The following CUX2 variants were observed in gnomAD, a reference collection of about 807,000 sequenced individuals.
CUX2 encodes cut like homeobox 2, also known as homeobox protein cut-like 2.
A neutral mutation model predicts 144.8 loss-of-function variants in CUX2; 40 were observed. The observed-to-expected ratio is 0.28, with a 90% CI of 0.21 to 0.36. CUX2 has a LOEUF of 0.36. Among genes scored for constraint, CUX2 ranks in the 10% least tolerant of loss-of-function variants. The pLI, the probability that CUX2 is intolerant of heterozygous loss-of-function variation, is 1.00. For missense variants in CUX2, 1,615 were observed against 1,994.0 expected (o/e 0.81, Z 3.62); for synonymous variants, 827 against 875.6 (o/e 0.94, Z 0.98).
intron 1 of CUX2, among the ~76,000 whole-genome samples, chr12:111,053,492 A>G (rs929031392): frequency 5.3e-5 from 8 of 152,308 alleles, no homozygotes; most frequent in Non-Finnish European, 1.0e-4. Context: ...TATTCTATGA[A>G]TCTGCCACGT....
rs541038914 is a variant in CUX2, at chr12:111,293,627, C to A, written c.560+58C>A. On this transcript the variant is annotated intron_variant, in intron 6 of 21. Coordinates refer to ENST00000261726, the MANE Select transcript of CUX2 (RefSeq NM_015267.4). This position sits in a 1 kb window ranked among gnomAD's most constrained non-coding sequence, Gnocchi z 4.5. ...GGAATGGGCAGGGCTCCTGCTGCCC[C>A]ACCTGGCTGGGTCGTGGACGGGGAA... The A allele has an allele frequency of 2.2e-5, 34 of 1,535,188 alleles. No individual in the cohort carries two copies. The African/African-American group carries it at 4.5e-4, about 20-fold the overall frequency.
At chr12:111,062,273 T>A (rs75586192) in intron 1 of CUX2, among the ~76,000 whole-genome samples, 6,861 of 151,960 alleles carry the variant, frequency 0.045, 538 homozygotes, top group African/African-American at 0.16. Flanking sequence ...ACACACGCTC[T>A]CTCATCTACA....
At chr12:111,288,323 C>T (rs1412984995) in intron 4 of CUX2, among the ~76,000 whole-genome samples, 1 of 152,028 alleles carries the variant, frequency 6.6e-6, no homozygotes, top group African/African-American at 2.4e-5. Context: ...CCATGTGGAG[C>T]ATTTTACATG....
At chr12:111,337,119 G>A (rs547914015) in intron 19 of CUX2, among the ~76,000 whole-genome samples, 1 of 152,206 alleles carries the variant, frequency 6.6e-6, no homozygotes, top group African/African-American at 2.4e-5. Context: ...AGGTTGCAAG[G>A]AGCCAAGATC....
intron 1 of CUX2, among the ~76,000 whole-genome samples, chr12:111,199,164 G>A (rs1880420881): frequency 6.6e-6 from 1 of 152,148 alleles, no homozygotes. Context: ...GACGTTGGCG[G>A]GATTGAAGAG....
chr12:111,227,584 G>A (rs7969686), intron 3 of CUX2, among the ~76,000 whole-genome samples: 47,490 of 152,052 alleles, frequency 0.31, 8,838 homozygotes, highest in East Asian at 0.64. Context: ...TTGGGCTGCA[G>A]TCCTCATAGC....
chr12:111,214,344 G>A (rs1233700685), intron 2 of CUX2, 34 bp downstream of exon 2: 2 of 1,250,170 alleles, frequency 1.6e-6, no homozygotes, highest in Admixed American at 3.9e-5. Flanking sequence ...AATTAACTCA[G>A]TAGGAATGCA....
At chr12:111,234,236 C>T (rs1333557512) in intron 3 of CUX2, among the ~76,000 whole-genome samples, 1 of 152,198 alleles carries the variant, frequency 6.6e-6, no homozygotes, top group Non-Finnish European at 1.5e-5. Flanking sequence ...AATACACAGC[C>T]TTGCACACAG....
At chr12:111,074,105 T>A (rs2136033691) in intron 1 of CUX2, among the ~76,000 whole-genome samples, 1 of 150,926 alleles carries the variant, frequency 6.6e-6, no homozygotes, top group African/African-American at 2.5e-5. Context: ...TGAAATGAAA[T>A]GTGTCTGGGT....
At chr12:111,335,234 T>C (rs1189866604) in intron 19 of CUX2, among the ~76,000 whole-genome samples, 1 of 149,236 alleles carries the variant, frequency 6.7e-6, no homozygotes, top group Non-Finnish European at 1.5e-5. Context: ...CTACTAAAAA[T>C]ACAAAAAAAT....
At chr12:111,319,738 A>C (rs148127081) in intron 16 of CUX2, among the ~76,000 whole-genome samples, 4 of 152,314 alleles carry the variant, frequency 2.6e-5, no homozygotes, top group African/African-American at 9.6e-5. Context: ...TCTCAAAACA[A>C]AACAAAACAA....
At chr12:111,084,265 A>G (rs1467943845) in intron 1 of CUX2, among the ~76,000 whole-genome samples, 1 of 152,040 alleles carries the variant, frequency 6.6e-6, no homozygotes, top group Admixed American at 6.5e-5. Flanking sequence ...GACATAAAGG[A>G]TTTCAGCCCC....
At position 111,348,540 on chromosome 12, in the gene CUX2, C is replaced by T; in HGVS notation, c.*215C>T. 1 of 572,402 alleles carries T rather than the reference C, an allele frequency of 1.7e-6. No homozygotes were observed. The highest frequency in any genetic ancestry group is 3.1e-6 in the Non-Finnish European group (1 of 326,064). The allele number at this position is 572,402 out of a possible 1,614,324, so 35.5% of individuals were successfully genotyped here. ...ATTGCCTCCACTTTTCTGCACCCCC[C>T]TGCTCCTCTTCACCCTGACCCCTCT... On this transcript the variant is annotated 3_prime_UTR_variant, in exon 22 of 22. Transcript: ENST00000261726.
At chr12:111,094,961 G>A (rs1872734764) in intron 1 of CUX2, among the ~76,000 whole-genome samples, 1 of 152,108 alleles carries the variant, frequency 6.6e-6, no homozygotes, top group African/African-American at 2.4e-5. Flanking sequence ...TTACAGAATT[G>A]TCCCCTGGCC....
At chr12:111,279,626 C>T (rs1446389327) in intron 4 of CUX2, among the ~76,000 whole-genome samples, 1 of 151,494 alleles carries the variant, frequency 6.6e-6, no homozygotes, top group African/African-American at 2.4e-5. Flanking sequence ...AGTTTGGCAC[C>T]ACAGTGAGCT....
Position 111,255,421 on chromosome 12 carries a change from C to A in CUX2, c.223-8340C>A, listed in dbSNP as rs1883768964. On this transcript the variant is annotated intron_variant, in intron 3 of 21. Transcript: ENST00000261726. The surrounding 1 kb of genome is among the most constrained non-coding windows in gnomAD (Gnocchi z 4.1). Reference sequence around the variant, plus strand: ...TAGCACTCGCCAGGGAACGGGGGCCCCAGCAGACACACCTGGAGGCAGGCA... The same window carrying A: ...TAGCACTCGCCAGGGAACGGGGGCCACAGCAGACACACCTGGAGGCAGGCA... 6.6e-6 allele frequency among the ~76,000 whole-genome samples: 1 copy of A among 152,238 alleles called. No homozygotes were observed. Among genetic ancestry groups the A allele is most frequent in the Non-Finnish European group, 1.5e-5 (1 of 68,042 alleles).
At chr12:111,125,106 A>T (rs1320448458) in intron 1 of CUX2, among the ~76,000 whole-genome samples, 2 of 151,780 alleles carry the variant, frequency 1.3e-5, no homozygotes, top group Non-Finnish European at 2.9e-5. Context: ...CCCTAACAGG[A>T]GCAACTCCCC....
At chr12:111,248,615 A>AG (rs1412750679) in intron 3 of CUX2, among the ~76,000 whole-genome samples, 8 of 150,596 alleles carry the variant, frequency 5.3e-5, no homozygotes, top group Admixed American at 5.3e-4. Flanking sequence ...AATTTCAAGG[A>AG]GGGGGGTGAA....
At chr12:111,344,346 A>G (rs1888705263) in intron 21 of CUX2, among the ~76,000 whole-genome samples, 1 of 152,236 alleles carries the variant, frequency 6.6e-6, no homozygotes, top group African/African-American at 2.4e-5. Context: ...GCTGTGAAAC[A>G]GGAAGGAACA....
Sources: gnomAD v4.1 joint callset for allele counts (sites outside exome capture counted in the v4.1 genomes callset) on GRCh38, gnomAD v4.1.1 for gene constraint, Gnocchi (gnomAD v3.1) non-coding constraint, MANE v1.5 for transcripts, NCBI Gene and HGNC (gene_info 2026-07-23, HGNC 2026-07-21) for gene names.